The following OPCML variants were observed in gnomAD, a reference collection of about 807,000 sequenced individuals.
The protein encoded by OPCML is opioid-binding protein/cell adhesion molecule.
In OPCML, 13 loss-of-function variants were observed where a neutral mutation model predicts 37.8. The observed-to-expected ratio is 0.34, with a 90% CI of 0.22 to 0.55. The LOEUF (loss-of-function observed/expected upper bound fraction) is 0.55, where lower values mean the gene tolerates loss of function less well. Among genes scored for constraint, OPCML ranks in the 20% least tolerant of loss-of-function variants. OPCML has a pLI of 0.91. For missense variants in OPCML, 341 were observed against 435.6 expected, an observed-to-expected ratio of 0.78 and a Z score of 1.93; for synonymous variants, 176 against 168.8, an observed-to-expected ratio of 1.04 and a Z score of -0.33.
At chr11:132,454,266 C>T (rs573838446) in intron 4 of OPCML, among the ~76,000 whole-genome samples, 1 of 152,298 alleles carries the variant, frequency 6.6e-6, no homozygotes, top group Admixed American at 6.5e-5. Context: ...GTTTTACAGA[C>T]CCAGCTTCTC....
intron 1 of OPCML, among the ~76,000 whole-genome samples, chr11:133,379,871 C>T (rs1387406680): frequency 2.0e-5 from 3 of 152,222 alleles, no homozygotes; most frequent in East Asian, 1.9e-4. Flanking sequence ...ACCTCCCCAG[C>T]TTAACTGACC....
At chr11:133,344,298 C>G (rs1943946207) in intron 1 of OPCML, among the ~76,000 whole-genome samples, 1 of 152,204 alleles carries the variant, frequency 6.6e-6, no homozygotes, top group Non-Finnish European at 1.5e-5. Context: ...TGAGCTTAGC[C>G]CTGAGAGCCA....
chr11:132,685,552 T>C (rs1565774656), intron 2 of OPCML, among the ~76,000 whole-genome samples: 1 of 152,190 alleles, frequency 6.6e-6, no homozygotes, highest in Non-Finnish European at 1.5e-5. Flanking sequence ...TGTTTTAAAA[T>C]GAAATGTAGC....
chr11:132,695,856 G>A (rs577992950), intron 2 of OPCML, among the ~76,000 whole-genome samples: 2 of 152,190 alleles, frequency 1.3e-5, no homozygotes, highest in Non-Finnish European at 2.9e-5. Flanking sequence ...ACACAAGGAA[G>A]CCACTCCTCA....
intron 2 of OPCML, among the ~76,000 whole-genome samples, chr11:132,698,362 T>C (rs1297678946): frequency 6.6e-6 from 1 of 152,170 alleles, no homozygotes; most frequent in East Asian, 1.9e-4. Context: ...TGTATGTTTG[T>C]GGTTTTGATT....
intron 1 of OPCML, among the ~76,000 whole-genome samples, chr11:133,386,398 T>C (rs1261271434): frequency 6.6e-6 from 1 of 152,208 alleles, no homozygotes; most frequent in Admixed American, 6.5e-5. Context: ...AATAGCCTAG[T>C]GTACCATAAA....
intron 3 of OPCML, among the ~76,000 whole-genome samples, chr11:132,640,841 G>A (rs1940811808): frequency 6.6e-6 from 1 of 152,182 alleles, no homozygotes; most frequent in Admixed American, 6.5e-5. Flanking sequence ...GCGCTGCAGG[G>A]TGCACTAAAG....
intron 1 of OPCML, among the ~76,000 whole-genome samples, chr11:133,204,715 C>CT (rs1938954792): frequency 6.6e-6 from 1 of 151,874 alleles, no homozygotes; most frequent in African/African-American, 2.4e-5. Context: ...GAGTAACAGG[C>CT]TAGGGACAGG....
At chr11:133,400,083 C>A (rs909374788) in intron 1 of OPCML, among the ~76,000 whole-genome samples, 2 of 152,050 alleles carry the variant, frequency 1.3e-5, no homozygotes, top group African/African-American at 4.8e-5. Context: ...TATTTTTAGA[C>A]CTATTCATTA....
chr11:133,167,014 C>A (rs1950216961), intron 1 of OPCML, among the ~76,000 whole-genome samples: 2 of 152,056 alleles, frequency 1.3e-5, no homozygotes, highest in African/African-American at 4.8e-5. Flanking sequence ...CTCATCAGAA[C>A]AATGAAATAT....
chr11:132,777,406 G>C (rs1410979885), intron 2 of OPCML, among the ~76,000 whole-genome samples: 3 of 152,124 alleles, frequency 2.0e-5, no homozygotes, highest in Non-Finnish European at 2.9e-5. Context: ...CTGTAAGGAG[G>C]GTGAAATAAA....
chr11:133,150,991 T>C (rs1027591540), intron 1 of OPCML, among the ~76,000 whole-genome samples: 2 of 151,896 alleles, frequency 1.3e-5, no homozygotes, highest in Non-Finnish European at 2.9e-5. Flanking sequence ...TAATAATTCG[T>C]CGGCCAGGTG....
chr11:132,697,023 C>T (rs1280062818), intron 2 of OPCML, among the ~76,000 whole-genome samples: 1 of 152,100 alleles, frequency 6.6e-6, no homozygotes, highest in Non-Finnish European at 1.5e-5. Context: ...ATGTATAGGT[C>T]CTATATAAAG....
intron 1 of OPCML, among the ~76,000 whole-genome samples, chr11:133,228,134 G>C (rs1442479553): frequency 6.6e-6 from 1 of 152,162 alleles, no homozygotes; most frequent in African/African-American, 2.4e-5. Flanking sequence ...ATTGCGGCCA[G>C]AGACTGCTAT....
intron 2 of OPCML, among the ~76,000 whole-genome samples, chr11:132,687,728 T>C (rs980192168): frequency 6.6e-6 from 1 of 152,032 alleles, no homozygotes; most frequent in Non-Finnish European, 1.5e-5. Context: ...AACTCCCAAA[T>C]TGAAGTACTA....
At chr11:132,473,529 C>G (rs988471916) in intron 4 of OPCML, among the ~76,000 whole-genome samples, 1 of 152,184 alleles carries the variant, frequency 6.6e-6, no homozygotes, top group Non-Finnish European at 1.5e-5. Flanking sequence ...TCTCCACTAT[C>G]ACTGGAGCCA....
chr11:132,761,145 T>C (rs1418186653), intron 2 of OPCML, among the ~76,000 whole-genome samples: 1 of 152,112 alleles, frequency 6.6e-6, no homozygotes, highest in Admixed American at 6.5e-5. Flanking sequence ...TTCTGGCTTG[T>C]AGGGTTTCTC....
intron 1 of OPCML, among the ~76,000 whole-genome samples, chr11:133,404,690 C>T (rs1335677799): frequency 6.6e-6 from 1 of 152,156 alleles, no homozygotes; most frequent in Non-Finnish European, 1.5e-5. Context: ...CCAGAGGAGG[C>T]TGATGCAGCT....
At chr11:133,230,323 C>G (rs749778162) in intron 1 of OPCML, among the ~76,000 whole-genome samples, 2 of 152,302 alleles carry the variant, frequency 1.3e-5, no homozygotes, top group Non-Finnish European at 1.5e-5. Context: ...TGCTAAGTGA[C>G]AGCCTTTCAT....
Sources: gnomAD v4.1 joint callset for allele counts (sites outside exome capture counted in the v4.1 genomes callset) on GRCh38, gnomAD v4.1.1 for gene constraint, MANE v1.5 for transcripts, NCBI Gene and HGNC (gene_info 2026-07-23, HGNC 2026-07-21) for gene names.